Variants in RLN2 observed in about 807,000 individuals in gnomAD.
RLN2 encodes the protein relaxin 2, also known as prorelaxin H2.
In RLN2, 10 loss-of-function variants were observed where a neutral mutation model predicts 7.3. The observed-to-expected ratio is 1.36, with a 90% CI of 0.84 to 2.31. RLN2 has a LOEUF of 2.31. Among genes scored for constraint, RLN2 ranks in the 30% most tolerant of loss-of-function variants. RLN2 has a pLI of 0.00. For missense variants in RLN2, 298 were observed against 217.6 expected (o/e 1.37, Z -2.32); for synonymous variants, 103 against 82.3 (o/e 1.25, Z -1.36).
At chr9:5,311,614 G>C in the RLN2 span, 2 of 1,215,516 alleles carry the variant, frequency 1.6e-6, no homozygotes, top group South Asian at 2.4e-5. Context: ...TAGGGAAAAA[G>C]GGAAAAGCTG....
chr9:5,330,710 C>T, the RLN2 span, among the ~76,000 whole-genome samples: 1 of 141,714 alleles, frequency 7.1e-6, no homozygotes, highest in African/African-American at 2.7e-5. Context: ...CAAAAGCTAG[C>T]TAGCAGAAGG....
chr9:5,319,100 T>C, the RLN2 span, among the ~76,000 whole-genome samples: 3 of 152,014 alleles, frequency 2.0e-5, no homozygotes, highest in Non-Finnish European at 4.4e-5. Flanking sequence ...TGTTGCTCTT[T>C]TTATCATTAA....
At chr9:5,307,629 T>A (rs1209812669), upstream of RLN2, among the ~76,000 whole-genome samples, 1 of 152,034 alleles carries the variant, frequency 6.6e-6, no homozygotes, top group Non-Finnish European at 1.5e-5. Context: ...CGAGCTGCTT[T>A]CTGCATCTGG....
the RLN2 span, chr9:5,311,543 C>A: frequency 1.3e-6 from 1 of 742,360 alleles, no homozygotes; most frequent in Non-Finnish European, 2.5e-6. Flanking sequence ...TAAACCTGCT[C>A]CTCCAAAGCC....
the RLN2 span, among the ~76,000 whole-genome samples, chr9:5,331,588 G>T: frequency 1.4e-5 from 2 of 141,714 alleles, no homozygotes; most frequent in Non-Finnish European, 3.0e-5. Flanking sequence ...AACACTGCAT[G>T]TTCTCACCCA....
chr9:5,333,859 TACAACATACACAAATCAATAA>T, the RLN2 span, among the ~76,000 whole-genome samples: 1 of 152,032 alleles, frequency 6.6e-6, no homozygotes. Flanking sequence ...GCAAGGTTGG[TACAACATACACAAATCAATAA>T]ATGTGATTCA....
the RLN2 span, among the ~76,000 whole-genome samples, chr9:5,325,871 A>G: frequency 6.6e-6 from 1 of 151,994 alleles, no homozygotes; most frequent in East Asian, 1.9e-4. Context: ...TTCCTTCCCA[A>G]AGGCGATGTC....
At chr9:5,301,506 A>G (rs1338673891) in intron 1 of RLN2, among the ~76,000 whole-genome samples, 1 of 152,250 alleles carries the variant, frequency 6.6e-6, no homozygotes, top group Non-Finnish European at 1.5e-5. Context: ...GTTTTATTTC[A>G]CAAAGAAATT....
chr9:5,332,873 TC>T, the RLN2 span, among the ~76,000 whole-genome samples: 1 of 151,908 alleles, frequency 6.6e-6, no homozygotes, highest in South Asian at 2.1e-4. Flanking sequence ...TGCCTCGGCC[TC>T]CCAAAGTACT....
chr9:5,311,256 C>G, the RLN2 span, among the ~76,000 whole-genome samples: 2 of 151,486 alleles, frequency 1.3e-5, no homozygotes, highest in African/African-American at 4.9e-5. Context: ...TTCACATGTA[C>G]AAGATGAGAG....
At chr9:5,316,006 A>G in the RLN2 span, among the ~76,000 whole-genome samples, 1 of 152,046 alleles carries the variant, frequency 6.6e-6, no homozygotes, top group Non-Finnish European at 1.5e-5. Flanking sequence ...GATATAAGAG[A>G]GTATCAAATT....
chr9:5,306,724 C>T (rs946335606), upstream of RLN2, among the ~76,000 whole-genome samples: 23 of 152,028 alleles, frequency 1.5e-4, no homozygotes, highest in Non-Finnish European at 3.1e-4. Flanking sequence ...TGGATTCCAA[C>T]GCCCCCTTTC....
At chr9:5,337,866 G>C in the RLN2 span, among the ~76,000 whole-genome samples, 1 of 151,926 alleles carries the variant, frequency 6.6e-6, no homozygotes, top group East Asian at 1.9e-4. Flanking sequence ...ATGATTTTCA[G>C]CAACAATTTA....
At chr9:5,328,714 C>T in the RLN2 span, among the ~76,000 whole-genome samples, 1 of 151,958 alleles carries the variant, frequency 6.6e-6, no homozygotes, top group Non-Finnish European at 1.5e-5. Flanking sequence ...GCGGATCTCT[C>T]GGCAGAAACT....
At chr9:5,318,712 C>T in the RLN2 span, among the ~76,000 whole-genome samples, 2 of 151,730 alleles carry the variant, frequency 1.3e-5, no homozygotes, top group East Asian at 3.9e-4. Context: ...TTCAGAAATT[C>T]TGTTACTTGT....
chr9:5,337,314 T>A, the RLN2 span, among the ~76,000 whole-genome samples: 1 of 152,108 alleles, frequency 6.6e-6, no homozygotes, highest in Non-Finnish European at 1.5e-5. Flanking sequence ...TTCAGTTTAT[T>A]CATAGGCTGT....
chr9:5,330,801 A>C, the RLN2 span, among the ~76,000 whole-genome samples: 1 of 151,486 alleles, frequency 6.6e-6, no homozygotes, highest in Non-Finnish European at 1.5e-5. Context: ...ACATCAATGA[A>C]TCCAGGAGCT....
the RLN2 span, among the ~76,000 whole-genome samples, chr9:5,318,734 G>A: frequency 7.9e-5 from 12 of 151,866 alleles, no homozygotes; most frequent in Non-Finnish European, 1.6e-4. Flanking sequence ...TGTAGTTTTT[G>A]CTGAGGATTC....
chr9:5,339,311 G>A, the RLN2 span: 3 of 425,072 alleles, frequency 7.1e-6, no homozygotes, highest in Non-Finnish European at 3.9e-6. Context: ...TGTTCTCAGT[G>A]CTTTCCCTCC....
Sources: allele counts gnomAD v4.1 joint callset (sites outside exome capture counted in the v4.1 genomes callset), GRCh38; gene constraint gnomAD v4.1.1; transcripts MANE v1.5; gene names NCBI Gene and HGNC (gene_info 2026-07-23, HGNC 2026-07-21).